The following GOLGA6B variants were observed in gnomAD, a reference collection of about 807,000 sequenced individuals.
The protein encoded by GOLGA6B is golgin subfamily A member 6B.
GOLGA6B carries 11 observed loss-of-function variants against 63.0 expected under a neutral mutation model. That is an observed-to-expected ratio of 0.17 (90% CI 0.11 to 0.29). GOLGA6B has a LOEUF of 0.29. Ranked by LOEUF, GOLGA6B falls within the 10% of genes least tolerant of loss-of-function variation. The pLI, the probability that GOLGA6B is intolerant of heterozygous loss-of-function variation, is 1.00. For missense variants in GOLGA6B, 134 were observed against 563.8 expected (o/e 0.24, Z 7.72); for synonymous variants, 46 against 232.6 (o/e 0.20, Z 7.30).
chr15:72,664,268 C>T (rs1006863556), intron 12 of GOLGA6B, among the ~76,000 whole-genome samples, 168 bp from the exon 13 acceptor site: 1 of 130,352 alleles, frequency 7.7e-6, no homozygotes, highest in East Asian at 2.3e-4. Context: ...GCTGCAGACC[C>T]AGCTCGTGGA....
rs1309390704 is a variant in GOLGA6B, at chr15:72,669,259, T to C, written c.*2917T>C. Among the ~76,000 whole-genome samples the C allele has an allele frequency of 6.6e-6, 1 of 152,276 alleles. No homozygotes were observed. Among genetic ancestry groups the C allele is most frequent in the African/African-American group, 2.4e-5 (1 of 41,482 alleles). On this transcript the variant is annotated 3_prime_UTR_variant, in exon 18 of 18. Transcript: ENST00000421285. ...ATGTAAATCAGCCCTATCCATAATATAGTTTCTCTAAAACTTTATCTTAAA... is the reference window on the plus strand; with the variant it reads ...ATGTAAATCAGCCCTATCCATAATACAGTTTCTCTAAAACTTTATCTTAAA...
In GOLGA6B at chr15:72,667,659, TTAAAAA is replaced by T. The variant is rs2064646090; in HGVS notation, c.*1321_*1326del. On this transcript the variant is annotated 3_prime_UTR_variant, in exon 18 of 18. Coordinates refer to ENST00000421285, the MANE Select transcript of GOLGA6B (RefSeq NM_018652.5). The stretch of plus-strand genomic sequence containing the variant: ...TTCTTTTCTTTGAATGGAAAACACT[TTAAAAA>T]TAATAACAACCATTATTATAAACCA... Among the ~76,000 whole-genome samples the T allele has an allele frequency of 6.6e-6, 1 of 152,012 alleles. No individual in the cohort carries two copies. Among genetic ancestry groups the T allele is most frequent in the Non-Finnish European group, 1.5e-5 (1 of 68,050 alleles).
chr15:72,664,172 G>A (rs1284583895), intron 12 of GOLGA6B, among the ~76,000 whole-genome samples: 1 of 130,754 alleles, frequency 7.6e-6, no homozygotes, highest in Non-Finnish European at 1.7e-5. Flanking sequence ...GCAGCAGCGA[G>A]ACTAGTACCT....
rs756397053 is a variant in GOLGA6B, at chr15:72,664,449, C to T, written c.1439C>T (p.Ala480Val). Residue 480 changes from alanine (A) to valine (V), a missense_variant, in exon 13 of 18, where the codon GCT (alanine) becomes GTT (valine). Ala to Val is a moderately conservative substitution (Grantham distance 64). Coordinates refer to ENST00000421285, the MANE Select transcript of GOLGA6B (RefSeq NM_018652.5). ...CCGTCCCCTTAGGAGCACCTAGAAG[C>T]TGCCAGCCAGCAGAACCAACAGCTA... ...QEKLDEEHLE[A>V]ASQQNQQLET... is the part of the protein sequence containing the mutation. 1.6e-5 allele frequency: 21 copies of T among 1,327,592 alleles called. 7 individuals carry two copies. The highest frequency in any genetic ancestry group is 2.2e-5 in the Non-Finnish European group (21 of 966,846). 82.2% of individuals were successfully genotyped at this position (1,327,592 alleles called of 1,614,324 possible).
Position 72,662,224 on chromosome 15 carries a change from G to A in GOLGA6B, c.848-28G>A. 4 of 1,384,168 alleles carry A rather than the reference G, an allele frequency of 2.9e-6. 1 individual carries two copies. Among genetic ancestry groups the A allele is most frequent in the Non-Finnish European group, 3.9e-6 (4 of 1,024,468 alleles). The allele number at this position is 1,384,168 out of a possible 1,614,324, so 85.7% of individuals were successfully genotyped here. ...GGGTAGAGGGGTTGGGGAATCCAGA[G>A]GCCCTTATTGTCTGCTTCATTTCTC... On this transcript the variant is annotated intron_variant, in intron 10 of 17. Coordinates refer to ENST00000421285, the MANE Select transcript of GOLGA6B (RefSeq NM_018652.5).
intron 13 of GOLGA6B, 51 bp downstream of exon 13, chr15:72,664,562 G>T: frequency 8.5e-7 from 1 of 1,173,214 alleles, no homozygotes. Flanking sequence ...AGGAAGGGGG[G>T]ACTGTTAGCA....
rs754245617 is a variant in GOLGA6B, at chr15:72,666,241, A to T, written c.1981A>T (p.Asn661Tyr). The T allele has an allele frequency of 6.2e-7, 1 of 1,605,148 alleles. No individual in the cohort carries two copies. The highest frequency in any genetic ancestry group is 2.3e-5 in the East Asian group (1 of 44,330). The change falls in exon 18 of 18, where the codon AAC (asparagine) becomes TAC (tyrosine). Residue 661 changes from asparagine (N) to tyrosine (Y), a missense_variant. Coordinates refer to ENST00000421285, the MANE Select transcript of GOLGA6B (RefSeq NM_018652.5). ...DDFYEVSLDNNVEPAPGAARE... is the reference protein window; with the variant it reads ...DDFYEVSLDNYVEPAPGAARE... ...TTTTTATGAAGTGAGCCTGGACAAC[A>T]ACGTGGAGCCTGCACCAGGAGCGGC...
chr15:72,664,336 G>C lies in GOLGA6B; in HGVS notation c.1426-100G>C. The C allele has an allele frequency of 1.0e-5, 13 of 1,241,000 alleles. 3 individuals carry two copies. The highest frequency in any genetic ancestry group is 1.4e-5 in the Non-Finnish European group (13 of 901,284). The allele number at this position is 1,241,000 out of a possible 1,614,324, so 76.9% of individuals were successfully genotyped here. A position where few individuals can be genotyped will look rare whatever the true frequency, so the allele number is the denominator to read the frequency against. The stretch of plus-strand genomic sequence containing the variant: ...CGGTGGCTGAGATGGCCGGCCAAAA[G>C]TTGCAGGAGACCCAGGGGAGGCAGT... On this transcript the variant is annotated intron_variant, in intron 12 of 17. Transcript: ENST00000421285.
intron 13 of GOLGA6B, 68 bp downstream of exon 13, chr15:72,664,579 G>A (rs1233791382): frequency 9.6e-5 from 103 of 1,076,208 alleles, no homozygotes; most frequent in Non-Finnish European, 1.3e-4. Context: ...AGCAGCATAG[G>A]ATTGAGGGGT....
rs562480408 is a variant in GOLGA6B, at chr15:72,669,400, G to A, written c.*3058G>A. Among the ~76,000 whole-genome samples the A allele has an allele frequency of 3.3e-5, 5 of 151,078 alleles. No individual in the cohort carries two copies. Among genetic ancestry groups the A allele is most frequent in the African/African-American group, 1.2e-4 (5 of 41,394 alleles). ...GTAGTTTGAAAGAAAGAAACTGGGG[G>A]AAGGAAAAGTAGAGAAAGAAATGCC... On this transcript the variant is annotated 3_prime_UTR_variant, in exon 18 of 18. Transcript: ENST00000421285.
Position 72,666,309 on chromosome 15 carries a change from C to G in GOLGA6B, c.2049C>G (p.Ile683Met). The G allele has an allele frequency of 6.4e-7, 1 of 1,571,680 alleles. No homozygotes were observed. Among genetic ancestry groups the G allele is most frequent in the Non-Finnish European group, 8.6e-7 (1 of 1,158,938 alleles). Residue 683 changes from isoleucine (I) to methionine (M), a missense_variant, in exon 18 of 18, where the codon ATC becomes ATG. Coordinates refer to ENST00000421285, the MANE Select transcript of GOLGA6B (RefSeq NM_018652.5). ...ATGACAACCCCACTGTACAGCAGAT[C>G]GTGCAGCTGTCTCCTGTCATGCAGG... ...SPHDNPTVQQIVQLSPVMQDT is the reference protein window; with the variant it reads ...SPHDNPTVQQMVQLSPVMQDT
chr15:72,664,384 G>A lies in GOLGA6B; in HGVS notation c.1426-52G>A. On this transcript the variant is annotated intron_variant, in intron 12 of 17. Transcript: ENST00000421285. ...AGTTGCTGAGGACGGGGCCCCGAGG[G>A]GGATGACCTGGCAACCTCCGTGCCT... 3.8e-6 allele frequency: 5 copies of A among 1,309,496 alleles called. 1 individual carries two copies. Among genetic ancestry groups the A allele is most frequent in the Non-Finnish European group, 5.2e-6 (5 of 956,412 alleles). 81.1% of individuals were successfully genotyped at this position (1,309,496 alleles called of 1,614,324 possible). A position where few individuals can be genotyped will look rare whatever the true frequency, so the allele number is the denominator to read the frequency against.
At chr15:72,659,151 C>T (rs1221336929) in intron 3 of GOLGA6B, among the ~76,000 whole-genome samples, 1 of 150,370 alleles carries the variant, frequency 6.7e-6, no homozygotes, top group South Asian at 2.1e-4. Flanking sequence ...GTAGCTGGCC[C>T]GTATGTGTTC....
rs769565605 is a variant in GOLGA6B at position 72,662,352 on chromosome 15, A to G, written c.948A>G (p.Gly316=). The part of the protein sequence containing the change: ...HLRQEVEGLE[G]KLQSQVENNQ... ...GGCAGGAGGTGGAAGGTCTGGAGGG[A>G]AAGCTCCAATCCCAGGTGGAAAACA... The change falls in exon 11 of 18, where the codon GGA becomes GGG. Residue 316 remains glycine (G), a synonymous_variant. Transcript: ENST00000421285. 8 of 1,390,232 alleles carry G rather than the reference A, an allele frequency of 5.8e-6. 2 individuals carry two copies. The African/African-American group carries it at 1.0e-4, about 18-fold the overall frequency. The allele number at this position is 1,390,232 out of a possible 1,614,324, so 86.1% of individuals were successfully genotyped here. A position where few individuals can be genotyped will look rare whatever the true frequency, so the allele number is the denominator to read the frequency against.
rs1480045168 is a variant in GOLGA6B, at chr15:72,662,349, G to A, written c.945G>A (p.Glu315=). 6 of 1,390,346 alleles carry A rather than the reference G, an allele frequency of 4.3e-6. 1 individual carries two copies. Among genetic ancestry groups the A allele is most frequent in the South Asian group, 2.8e-5 (2 of 71,578 alleles). The allele number at this position is 1,390,346 out of a possible 1,614,324, so 86.1% of individuals were successfully genotyped here. A position where few individuals can be genotyped will look rare whatever the true frequency, so the allele number is the denominator to read the frequency against. Residue 315 remains glutamate, a synonymous_variant, in exon 11 of 18, where the codon GAG becomes GAA. Coordinates refer to ENST00000421285, the MANE Select transcript of GOLGA6B (RefSeq NM_018652.5). ...TGAGGCAGGAGGTGGAAGGTCTGGA[G>A]GGAAAGCTCCAATCCCAGGTGGAAA... The part of the protein sequence containing the change: ...KHLRQEVEGL[E]GKLQSQVENN...
chr15:72,664,495 G>T lies in GOLGA6B; in HGVS notation c.1485G>T (p.Val495=), dbSNP rs569741976. ...NQQLETQLSL[V]ALPGEGDGGQ... is the part of the protein sequence containing the mutation. ...AGCTAGAGACCCAGCTAAGCCTCGT[G>T]GCTCTCCCGGGAGAAGGTACAGGAG... The change falls in exon 13 of 18, where the codon GTG becomes GTT. Residue 495 remains valine (V), a synonymous_variant. Transcript: ENST00000421285. 1.5e-3 allele frequency: 1,969 copies of T among 1,356,476 alleles called. 39 individuals carry two copies. Among genetic ancestry groups the T allele is most frequent in the Non-Finnish European group, 1.7e-3 (1,684 of 994,786 alleles). 84.0% of individuals were successfully genotyped at this position (1,356,476 alleles called of 1,614,324 possible).
At position 72,664,395 on chromosome 15, in the gene GOLGA6B, G is replaced by T. The variant is rs752662467; in HGVS notation, c.1426-41G>T. The stretch of plus-strand genomic sequence containing the variant: ...ACGGGGCCCCGAGGGGGATGACCTG[G>T]CAACCTCCGTGCCTTCTCACTCTGT... On this transcript the variant is annotated intron_variant, in intron 12 of 17. Transcript: ENST00000421285. 1.7e-5 allele frequency: 22 copies of T among 1,315,764 alleles called. 5 individuals are homozygous for T. The highest frequency in any genetic ancestry group is 9.7e-5 in the Admixed American group (5 of 51,418). 81.5% of individuals were successfully genotyped at this position (1,315,764 alleles called of 1,614,324 possible).
In GOLGA6B at chr15:72,664,090, G is replaced by C. The variant is rs1176785261; in HGVS notation, c.1426-346G>C. On this transcript the variant is annotated intron_variant, in intron 12 of 17. Coordinates refer to ENST00000421285, the MANE Select transcript of GOLGA6B (RefSeq NM_018652.5). ...TAATGGGCCCAGAATCTGGAAGCCAGCCACCATGTGCCCTCATGCCCAGGG... is the reference window on the plus strand; with the variant it reads ...TAATGGGCCCAGAATCTGGAAGCCACCCACCATGTGCCCTCATGCCCAGGG... 1.5e-5 allele frequency among the ~76,000 whole-genome samples: 2 copies of C among 130,098 alleles called. 1 individual carries two copies. The highest frequency in any genetic ancestry group is 5.3e-5 in the African/African-American group (2 of 37,752). The allele number at this position is 130,098 out of a possible 152,430, so 85.3% of individuals were successfully genotyped here.
At chr15:72,655,942 TC>T (rs2064576784) in intron 1 of GOLGA6B, among the ~76,000 whole-genome samples, 2 of 151,580 alleles carry the variant, frequency 1.3e-5, no homozygotes, top group Non-Finnish European at 2.9e-5. Context: ...AGCATCAGTT[TC>T]CCTTGAGTCT....
Sources: allele counts gnomAD v4.1 joint callset (sites outside exome capture counted in the v4.1 genomes callset), GRCh38; gene constraint gnomAD v4.1.1; transcripts MANE v1.5; gene names NCBI Gene and HGNC (gene_info 2026-07-23, HGNC 2026-07-21).